The following SRGAP3 variants were observed in gnomAD, a reference collection of about 807,000 sequenced individuals.
The protein encoded by SRGAP3 is SLIT-ROBO Rho GTPase activating protein 3.
SRGAP3 carries 39 observed loss-of-function variants against 121.1 expected under a neutral mutation model. The observed-to-expected ratio is 0.32, with a 90% CI of 0.25 to 0.42. The LOEUF is 0.42. Among genes scored for constraint, SRGAP3 ranks in the 10% least tolerant of loss-of-function variants. SRGAP3 has a pLI of 1.00. For synonymous variants in SRGAP3, 601 were observed against 570.0 expected, an observed-to-expected ratio of 1.05 and a Z score of -0.77; for missense variants, 1,213 against 1,470.6, an observed-to-expected ratio of 0.82 and a Z score of 2.86.
At chr3:9,058,589 C>T (rs1047089576) in intron 6 of SRGAP3, 117 bp from the exon 7 acceptor site, 25 of 1,112,328 alleles carry the variant, frequency 2.2e-5, no homozygotes, top group African/African-American at 6.2e-5. Flanking sequence ...TCTTCCATCC[C>T]GGAGGCCCCA....
chr3:8,996,404 C>T (rs1257347254), intron 18 of SRGAP3, among the ~76,000 whole-genome samples: 1 of 152,184 alleles, frequency 6.6e-6, no homozygotes, highest in Non-Finnish European at 1.5e-5. Context: ...TGCTTGTGTC[C>T]CCATGAGATG....
chr3:9,138,360 A>C (rs1448829136), intron 1 of SRGAP3, among the ~76,000 whole-genome samples: 1 of 152,250 alleles, frequency 6.6e-6, no homozygotes, highest in African/African-American at 2.4e-5. Flanking sequence ...AATGTTATTA[A>C]ATTATACCTA....
intron 1 of SRGAP3, among the ~76,000 whole-genome samples, chr3:9,212,751 A>G (rs1296026304): frequency 6.6e-6 from 1 of 152,230 alleles, no homozygotes; most frequent in Non-Finnish European, 1.5e-5. Context: ...GACTTCTGCT[A>G]GACTATAAGT....
At chr3:9,138,582 A>G (rs1415582106) in intron 1 of SRGAP3, among the ~76,000 whole-genome samples, 1 of 152,170 alleles carries the variant, frequency 6.6e-6, no homozygotes, top group Non-Finnish European at 1.5e-5. Context: ...TCTGCGGACC[A>G]CCTAAAATCA....
chr3:9,115,399 T>C (rs73019307), intron 2 of SRGAP3, among the ~76,000 whole-genome samples: 10,287 of 152,322 alleles, frequency 0.068, 406 homozygotes, highest in African/African-American at 0.082. Context: ...TCATTTCTAG[T>C]ATAAAAATTA....
At chr3:9,222,937 T>C (rs1952861456) in intron 1 of SRGAP3, among the ~76,000 whole-genome samples, 2 of 152,178 alleles carry the variant, frequency 1.3e-5, no homozygotes, top group South Asian at 4.1e-4. Flanking sequence ...CACTTAACAG[T>C]CACATACCCT....
chr3:9,233,588 T>G (rs1014791767), intron 1 of SRGAP3, among the ~76,000 whole-genome samples: 2 of 152,212 alleles, frequency 1.3e-5, no homozygotes, highest in African/African-American at 2.4e-5. Context: ...CTTAAATATT[T>G]TGATGACTTC....
intron 1 of SRGAP3, 175 bp from the exon 2 acceptor site, chr3:9,125,092 A>AT: frequency 1.4e-6 from 1 of 716,996 alleles, no homozygotes; most frequent in South Asian, 1.8e-5. Context: ...TGGCACAAAG[A>AT]TTTCTCTCTT....
At chr3:9,148,894 C>T (rs1375172801) in intron 1 of SRGAP3, among the ~76,000 whole-genome samples, 1 of 152,174 alleles carries the variant, frequency 6.6e-6, no homozygotes, top group Non-Finnish European at 1.5e-5. Flanking sequence ...AGTTGAGCAG[C>T]ATCAACATCA....
intron 3 of SRGAP3, among the ~76,000 whole-genome samples, chr3:9,097,816 T>G (rs1461508820): frequency 1.3e-5 from 2 of 151,980 alleles, no homozygotes; most frequent in Non-Finnish European, 2.9e-5. Flanking sequence ...AACAGGAGGG[T>G]TTAAAGGCTC....
At chr3:9,199,227 C>G (rs1289128253) in intron 1 of SRGAP3, among the ~76,000 whole-genome samples, 1 of 152,218 alleles carries the variant, frequency 6.6e-6, no homozygotes, top group Non-Finnish European at 1.5e-5. Context: ...TCAGAGCACA[C>G]TCCCGCGACT....
At chr3:9,171,258 C>T (rs978981039) in intron 1 of SRGAP3, among the ~76,000 whole-genome samples, 3 of 152,242 alleles carry the variant, frequency 2.0e-5, no homozygotes, top group East Asian at 1.9e-4. Context: ...AAGCTGCCCT[C>T]GAAACATCCA....
chr3:8,996,249 G>A (rs1942394563), intron 18 of SRGAP3, among the ~76,000 whole-genome samples: 1 of 151,694 alleles, frequency 6.6e-6, no homozygotes, highest in Admixed American at 6.6e-5. Context: ...GTTGTTACCA[G>A]AGGCTGGTGC....
chr3:9,141,553 G>GGGGGGT (rs955861514), intron 1 of SRGAP3, among the ~76,000 whole-genome samples: 1 of 138,394 alleles, frequency 7.2e-6, no homozygotes, highest in African/African-American at 2.7e-5. Flanking sequence ...TGACTTCAGG[G>GGGGGGT]GTGTGTGTGT....
chr3:9,200,630 G>A (rs1262692533), intron 1 of SRGAP3, among the ~76,000 whole-genome samples: 1 of 152,196 alleles, frequency 6.6e-6, no homozygotes, highest in Non-Finnish European at 1.5e-5. Flanking sequence ...AGGCAAAGAA[G>A]GAAGACCATG....
intron 1 of SRGAP3, among the ~76,000 whole-genome samples, chr3:9,133,659 T>C (rs978228115): frequency 6.6e-6 from 1 of 152,194 alleles, no homozygotes; most frequent in African/African-American, 2.4e-5. Context: ...CTGGAATGAA[T>C]AATCATACAC....
At chr3:9,266,352 C>A (rs1954368347) in intron 3 of SRGAP3, among the ~76,000 whole-genome samples, 1 of 151,842 alleles carries the variant, frequency 6.6e-6, no homozygotes, top group African/African-American at 2.4e-5. Context: ...GCACATGTAT[C>A]CCAGAACTTA....
At chr3:9,233,576 C>T (rs745362061) in intron 1 of SRGAP3, among the ~76,000 whole-genome samples, 4 of 152,058 alleles carry the variant, frequency 2.6e-5, no homozygotes, top group Non-Finnish European at 5.9e-5. Context: ...TCTTTCTGAC[C>T]CCTTAAATAT....
chr3:9,195,178 A>G (rs927788052), intron 1 of SRGAP3, among the ~76,000 whole-genome samples: 1 of 152,254 alleles, frequency 6.6e-6, no homozygotes, highest in Admixed American at 6.5e-5. Flanking sequence ...CCAATAACCA[A>G]AAATAACTGC....
Sources: allele counts gnomAD v4.1 joint callset (sites outside exome capture counted in the v4.1 genomes callset), GRCh38; gene constraint gnomAD v4.1.1; transcripts MANE v1.5; gene names NCBI Gene and HGNC (gene_info 2026-07-23, HGNC 2026-07-21).